The following RGS7 variants were observed in gnomAD, a reference collection of about 807,000 sequenced individuals.
RGS7 encodes the protein regulator of G-protein signaling 7.
In RGS7, 27 loss-of-function variants were observed where a neutral mutation model predicts 81.1. The ratio of observed to expected loss-of-function variants is 0.33; its 90% CI spans 0.25 to 0.46. The LOEUF (loss-of-function observed/expected upper bound fraction) is 0.46. Among genes scored for constraint, RGS7 ranks in the 20% least tolerant of loss-of-function variants. The pLI, the probability that RGS7 is intolerant of heterozygous loss-of-function variation, is 1.00. For missense variants in RGS7, 396 were observed against 607.4 expected (o/e 0.65, Z 3.66); for synonymous variants, 208 against 207.7 (o/e 1.00, Z -0.01).
chr1:241,132,463 G>T (rs2067171832), intron 2 of RGS7: 1 of 152,830 alleles, frequency 6.5e-6, no homozygotes, highest in South Asian at 2.1e-4. Context: ...GGCTATATCA[G>T]TAATTAACAA....
At chr1:241,062,624 C>A (rs1475995872) in intron 3 of RGS7, among the ~76,000 whole-genome samples, 5 of 152,158 alleles carry the variant, frequency 3.3e-5, no homozygotes, top group Non-Finnish European at 4.4e-5. Flanking sequence ...ACTCCCCAGG[C>A]TGCTCATATT....
intron 2 of RGS7, among the ~76,000 whole-genome samples, chr1:241,139,502 G>A (rs563694756): frequency 6.6e-6 from 1 of 152,104 alleles, no homozygotes; most frequent in Non-Finnish European, 1.5e-5. Context: ...ATTTCCTTTG[G>A]GTAAATAGTG....
chr1:240,799,253 T>TG (rs1687607135), intron 18 of RGS7, among the ~76,000 whole-genome samples: 1 of 59,158 alleles, frequency 1.7e-5, no homozygotes, highest in African/African-American at 3.1e-5. Flanking sequence ...TTATTATGGT[T>TG]TGTGTGTGTG....
At chr1:241,356,347 T>TC (rs1362916434) in intron 1 of RGS7, among the ~76,000 whole-genome samples, 1 of 152,062 alleles carries the variant, frequency 6.6e-6, no homozygotes, top group Non-Finnish European at 1.5e-5. Context: ...TCCTCTCTAT[T>TC]CCCCCGGGTC....
intron 2 of RGS7, among the ~76,000 whole-genome samples, chr1:241,222,068 T>C (rs1160838539): frequency 1.3e-5 from 2 of 152,212 alleles, no homozygotes; most frequent in Non-Finnish European, 2.9e-5. Flanking sequence ...TTTGGGTTTC[T>C]TTGTTGGAAG....
intron 2 of RGS7, among the ~76,000 whole-genome samples, chr1:241,138,257 C>A (rs557676676): frequency 6.6e-6 from 1 of 150,854 alleles, no homozygotes; most frequent in East Asian, 2.0e-4. Flanking sequence ...TAATCAAGAA[C>A]CAAAAGTTAT....
intron 9 of RGS7, among the ~76,000 whole-genome samples, chr1:240,841,542 G>C (rs964462671): frequency 9.2e-5 from 14 of 151,920 alleles, no homozygotes; most frequent in Non-Finnish European, 2.9e-5. Flanking sequence ...AGCTAATAAC[G>C]CCTCTTCTAT....
chr1:240,983,620 G>A (rs888680203), intron 3 of RGS7, among the ~76,000 whole-genome samples: 8 of 152,094 alleles, frequency 5.3e-5, no homozygotes, highest in Middle Eastern at 3.2e-3. Context: ...CTCCCTGACC[G>A]AAATGTCTTC....
chr1:240,908,858 A>T (rs1572707563), intron 6 of RGS7, among the ~76,000 whole-genome samples: 1 of 152,196 alleles, frequency 6.6e-6, no homozygotes, highest in South Asian at 2.1e-4. Flanking sequence ...CCTGAATTCC[A>T]TTGCTCTGAG....
intron 2 of RGS7, among the ~76,000 whole-genome samples, chr1:241,245,794 G>A (rs575397429): frequency 2.9e-4 from 43 of 150,030 alleles, no homozygotes; most frequent in Admixed American, 1.8e-3. Flanking sequence ...GCAACACAGC[G>A]AGACTCCACC....
At chr1:241,310,384 T>A (rs2080439372) in intron 2 of RGS7, among the ~76,000 whole-genome samples, 1 of 151,072 alleles carries the variant, frequency 6.6e-6, no homozygotes, top group Non-Finnish European at 1.5e-5. Context: ...TGTGTATGAG[T>A]GTGCGTGTGA....
At chr1:241,177,390 A>G (rs2071235133) in intron 2 of RGS7, among the ~76,000 whole-genome samples, 1 of 152,200 alleles carries the variant, frequency 6.6e-6, no homozygotes, top group Non-Finnish European at 1.5e-5. Context: ...AATAAGGAAC[A>G]GGAGCCTGGA....
intron 4 of RGS7, among the ~76,000 whole-genome samples, chr1:240,954,556 A>AG (rs1680049563): frequency 2.8e-5 from 1 of 36,082 alleles, no homozygotes; most frequent in African/African-American, 6.5e-5. Flanking sequence ...ATCCATGTAA[A>AG]AGAAAAAAAA....
At chr1:240,988,099 C>T (rs868360242) in intron 3 of RGS7, among the ~76,000 whole-genome samples, 50 of 151,838 alleles carry the variant, frequency 3.3e-4, no homozygotes, top group Non-Finnish European at 4.1e-4. Flanking sequence ...CACGTTTCCA[C>T]CATTCTCTTC....
At chr1:240,792,545 C>T (rs994977909) in intron 18 of RGS7, among the ~76,000 whole-genome samples, 1 of 152,128 alleles carries the variant, frequency 6.6e-6, no homozygotes, top group Admixed American at 6.5e-5. Context: ...CTTTCTTGTG[C>T]CACCTTTGCT....
intron 2 of RGS7, among the ~76,000 whole-genome samples, chr1:241,141,715 T>A (rs2067935327): frequency 2.6e-5 from 4 of 152,204 alleles, no homozygotes; most frequent in Admixed American, 1.3e-4. Context: ...GTGGGAATTA[T>A]GGGAACTACA....
chr1:241,299,194 C>A (rs922233631), intron 2 of RGS7, among the ~76,000 whole-genome samples: 1 of 152,152 alleles, frequency 6.6e-6, no homozygotes, highest in Non-Finnish European at 1.5e-5. Flanking sequence ...GAATCTGAGC[C>A]AGTACAATTC....
chr1:240,936,270 C>A (rs147770849), intron 5 of RGS7, among the ~76,000 whole-genome samples: 176 of 152,328 alleles, frequency 1.2e-3, no homozygotes, highest in African/African-American at 3.8e-3. Flanking sequence ...TGGTCTGGAT[C>A]ACAGGCAAGG....
intron 3 of RGS7, among the ~76,000 whole-genome samples, chr1:241,065,191 A>G (rs1355001876): frequency 8.5e-6 from 1 of 118,222 alleles, no homozygotes; most frequent in Non-Finnish European, 1.8e-5. Context: ...TAATCAGATT[A>G]AAAGATATAT....
Sources: allele counts gnomAD v4.1 joint callset (sites outside exome capture counted in the v4.1 genomes callset), GRCh38; gene constraint gnomAD v4.1.1; transcripts MANE v1.5; gene names NCBI Gene and HGNC (gene_info 2026-07-23, HGNC 2026-07-21).